Variants in HPSE2 observed in about 807,000 individuals in gnomAD.
HPSE2 encodes the protein heparanase 2 (inactive).
In HPSE2, 38 loss-of-function variants were observed where a neutral mutation model predicts 60.5. The ratio of observed to expected loss-of-function variants is 0.63; its 90% CI spans 0.48 to 0.82. The LOEUF (loss-of-function observed/expected upper bound fraction) is 0.82. Ranked by LOEUF, HPSE2 falls within the 40% of genes least tolerant of loss-of-function variation. The pLI, the probability that HPSE2 is intolerant of heterozygous loss-of-function variation, is 0.00. For missense variants in HPSE2, 713 were observed against 740.4 expected (o/e 0.96, Z 0.43); for synonymous variants, 295 against 293.2 (o/e 1.01, Z -0.06).
intron 3 of HPSE2, among the ~76,000 whole-genome samples, chr10:99,068,809 A>T (rs988626274): frequency 6.6e-6 from 1 of 152,192 alleles, no homozygotes; most frequent in Non-Finnish European, 1.5e-5. Flanking sequence ...TCCTACAGAA[A>T]TTTTTTAAAA....
intron 4 of HPSE2, among the ~76,000 whole-genome samples, chr10:98,727,258 A>C (rs186470904): frequency 6.6e-6 from 1 of 152,174 alleles, no homozygotes; most frequent in African/African-American, 2.4e-5. Flanking sequence ...AAAAAAATAG[A>C]AAAGTTTGAC....
intron 3 of HPSE2, among the ~76,000 whole-genome samples, chr10:98,941,065 T>A (rs1954983368): frequency 7.1e-6 from 1 of 140,600 alleles, no homozygotes; most frequent in South Asian, 2.1e-4. Flanking sequence ...ATAAATTAGG[T>A]ATTGATGGGA....
At chr10:98,947,945 T>C (rs11189901) in intron 3 of HPSE2, among the ~76,000 whole-genome samples, 3 of 152,200 alleles carry the variant, frequency 2.0e-5, no homozygotes, top group South Asian at 2.1e-4. Context: ...CAGAACCCCA[T>C]GGATTCAACA....
At chr10:99,190,996 C>G (rs1430839906) in intron 2 of HPSE2, among the ~76,000 whole-genome samples, 1 of 152,190 alleles carries the variant, frequency 6.6e-6, no homozygotes, top group Non-Finnish European at 1.5e-5. Context: ...GCAGTACTCA[C>G]AGCAGGCCTA....
rs1215843956 is a variant in HPSE2, at chr10:98,937,465, C to A, written c.611-193409G>T. 3.5e-5 allele frequency among the ~76,000 whole-genome samples: 5 copies of A among 144,414 alleles called. 1 individual carries two copies. The highest frequency in any genetic ancestry group is 7.4e-5 in the Non-Finnish European group (5 of 67,212). 94.7% of individuals were successfully genotyped at this position (144,414 alleles called of 152,430 possible). A position where few individuals can be genotyped will look rare whatever the true frequency, so the allele number is the denominator to read the frequency against. ...CACATGGCTTGGAGGGTCCTACGCC[C>A]ACGGAGTCTCGCTGATTGCTAGCAC... On this transcript the variant is annotated intron_variant, in intron 3 of 11. Transcript: ENST00000370552.
At chr10:98,706,120 A>G (rs1948541724) in intron 5 of HPSE2, among the ~76,000 whole-genome samples, 1 of 151,978 alleles carries the variant, frequency 6.6e-6, no homozygotes, top group Admixed American at 6.6e-5. Context: ...TTGTGAGATT[A>G]TGAGACTTGC....
intron 9 of HPSE2, among the ~76,000 whole-genome samples, chr10:98,521,954 C>T (rs543210512): frequency 5.3e-5 from 8 of 151,674 alleles, no homozygotes; most frequent in African/African-American, 7.3e-5. Flanking sequence ...GGACACAGGG[C>T]GGGGAACATC....
At chr10:99,294,854 G>C in the HPSE2 span, among the ~76,000 whole-genome samples, 1 of 152,140 alleles carries the variant, frequency 6.6e-6, no homozygotes, top group South Asian at 2.1e-4. Context: ...TACTCAGGAG[G>C]CTGAGGCAGG....
intron 3 of HPSE2, among the ~76,000 whole-genome samples, chr10:98,885,212 A>C (rs1250475672): frequency 6.6e-6 from 1 of 152,146 alleles, no homozygotes; most frequent in Non-Finnish European, 1.5e-5. Context: ...TGGAATTAGA[A>C]GTGGAGCCTG....
intron 3 of HPSE2, among the ~76,000 whole-genome samples, chr10:99,044,647 A>G (rs1318410269): frequency 6.6e-6 from 1 of 151,926 alleles, no homozygotes; most frequent in African/African-American, 2.4e-5. Flanking sequence ...GCTCAAAGTA[A>G]AAAGATGGAG....
At chr10:99,046,608 A>C (rs10748760) in intron 3 of HPSE2, among the ~76,000 whole-genome samples, 115,108 of 152,026 alleles carry the variant, frequency 0.76, 46,342 homozygotes, top group South Asian at 0.92. Flanking sequence ...CTACTATAAA[A>C]GATCAATGAT....
At position 98,522,776 on chromosome 10, in the gene HPSE2, C is replaced by A. The variant is rs924938600; in HGVS notation, c.1321-32580G>T. On this transcript the variant is annotated intron_variant, in intron 9 of 11. Transcript: ENST00000370552. ...TACAGGCGTGAGCCACCGTGTCCCG[C>A]CTTCGTCAGCGAATCTTTGAAAGGA... Among the ~76,000 whole-genome samples the A allele has an allele frequency of 4.6e-5, 7 of 152,300 alleles. No individual in the cohort carries two copies. The East Asian group carries it at 1.4e-3, about 29-fold the overall frequency.
chr10:99,132,162 A>T (rs563276196), intron 3 of HPSE2, among the ~76,000 whole-genome samples: 1 of 5,312 alleles, frequency 1.9e-4, no homozygotes, highest in African/African-American at 2.7e-4. Context: ...AGAAAGAAAG[A>T]AAGAAAGAAA....
At chr10:98,860,361 C>T (rs1952426958) in intron 3 of HPSE2, among the ~76,000 whole-genome samples, 1 of 152,132 alleles carries the variant, frequency 6.6e-6, no homozygotes, top group African/African-American at 2.4e-5. Flanking sequence ...CTTTGAATAT[C>T]AGAACATACT....
chr10:99,123,919 G>C (rs1213441066), intron 3 of HPSE2, among the ~76,000 whole-genome samples: 3 of 152,116 alleles, frequency 2.0e-5, no homozygotes, highest in Non-Finnish European at 4.4e-5. Flanking sequence ...ACCCAGAGTG[G>C]GTAGCTCCTA....
At chr10:98,911,480 A>T (rs1337378650) in intron 3 of HPSE2, among the ~76,000 whole-genome samples, 5 of 152,194 alleles carry the variant, frequency 3.3e-5, no homozygotes, top group Non-Finnish European at 5.9e-5. Flanking sequence ...GAGCTCACAG[A>T]CCAAAGAGGG....
intron 2 of HPSE2, among the ~76,000 whole-genome samples, chr10:99,146,138 A>C (rs1359367692): frequency 1.3e-5 from 2 of 152,240 alleles, no homozygotes; most frequent in African/African-American, 2.4e-5. Flanking sequence ...ATCCAATAGA[A>C]GTCAAGAGGA....
intron 9 of HPSE2, among the ~76,000 whole-genome samples, chr10:98,575,680 A>C (rs1322755834): frequency 6.6e-6 from 1 of 152,224 alleles, no homozygotes; most frequent in African/African-American, 2.4e-5. Flanking sequence ...TTGTGGTCAC[A>C]CAGCTAGCTG....
intron 9 of HPSE2, among the ~76,000 whole-genome samples, chr10:98,599,562 G>A (rs1459432522): frequency 6.6e-6 from 1 of 152,182 alleles, no homozygotes; most frequent in Non-Finnish European, 1.5e-5. Flanking sequence ...CCTGACCAGT[G>A]CTCAGTTTTA....
Sources: allele counts gnomAD v4.1 joint callset (sites outside exome capture counted in the v4.1 genomes callset), GRCh38; gene constraint gnomAD v4.1.1; transcripts MANE v1.5; gene names NCBI Gene and HGNC (gene_info 2026-07-23, HGNC 2026-07-21).